Variants in RYK observed in about 807,000 individuals in gnomAD.
The protein encoded by RYK is receptor like tyrosine kinase.
Under a neutral mutation model 70.2 loss-of-function variants are expected in RYK, and 21 were observed. That is an observed-to-expected ratio of 0.30 (90% CI 0.21 to 0.43). The LOEUF is 0.43. RYK is among the 20% of genes least tolerant of loss of function. RYK has a pLI of 1.00. For missense variants in RYK, 604 were observed against 753.3 expected (o/e 0.80, Z 2.32); for synonymous variants, 267 against 278.0 (o/e 0.96, Z 0.39).
intron 2 of RYK, among the ~76,000 whole-genome samples, chr3:134,216,403 C>T (rs1037002109): frequency 2.0e-5 from 3 of 151,216 alleles, no homozygotes; most frequent in Non-Finnish European, 4.4e-5. Flanking sequence ...AAAATGATGA[C>T]GAATTCCTGA....
chr3:134,191,134 T>A (rs1247418195), intron 8 of RYK, among the ~76,000 whole-genome samples: 1 of 152,200 alleles, frequency 6.6e-6, no homozygotes, highest in Non-Finnish European at 1.5e-5. Flanking sequence ...AAAAAAGTAA[T>A]TCTCTATTTA....
chr3:134,158,251 C>T lies in RYK; in HGVS notation c.1726G>A (p.Ala576Thr). 1 of 1,561,012 alleles carries T rather than the reference C, an allele frequency of 6.4e-7. No homozygotes were observed. Among genetic ancestry groups the T allele is most frequent in the Non-Finnish European group, 8.7e-7 (1 of 1,151,222 alleles). Residue 576 changes from alanine to threonine, a missense_variant, in exon 15 of 15, where the codon GCC (alanine) becomes ACC (threonine). Ala to Thr is a moderately conservative substitution (Grantham distance 58). Coordinates refer to ENST00000623711, the MANE Select transcript of RYK (RefSeq NM_002958.4). ...NCPDELFAVM[A>T]CCWALDPEER... ...TCTGGATCTAAGGCCCAGCAACAGG[C>T]CATCACAGCAAATCTGCAGAGTGAC...
chr3:134,178,720 G>A (rs569329246), intron 10 of RYK: 1 of 152,306 alleles, frequency 6.6e-6, no homozygotes, highest in East Asian at 1.9e-4. Flanking sequence ...AACCAAGCAT[G>A]TAGTGGACAA....
chr3:134,179,957 G>A (rs2013235788), intron 10 of RYK: 1 of 152,130 alleles, frequency 6.6e-6, no homozygotes, highest in African/African-American at 2.4e-5. Context: ...AGTACAAATG[G>A]CTGTTTTTCA....
intron 1 of RYK, among the ~76,000 whole-genome samples, chr3:134,249,917 G>GGTTTTTTTTTTTTT (rs1172115107): frequency 1.1e-5 from 1 of 93,366 alleles, no homozygotes; most frequent in African/African-American, 5.3e-5. Flanking sequence ...TTTCTCTCTC[G>GGTTTTTTTTTTTTT]TTTTTTTTTT....
intron 13 of RYK, among the ~76,000 whole-genome samples, chr3:134,169,373 A>C (rs2012813059): frequency 6.6e-6 from 1 of 152,230 alleles, no homozygotes; most frequent in South Asian, 2.1e-4. Context: ...ATGTAAATCA[A>C]GAACTCTATT....
intron 5 of RYK, among the ~76,000 whole-genome samples, chr3:134,206,059 G>T (rs1418512676): frequency 6.6e-6 from 1 of 152,150 alleles, no homozygotes; most frequent in Non-Finnish European, 1.5e-5. Context: ...AAAGTCACCA[G>T]AATTTTAAAA....
chr3:134,207,496 C>T lies in RYK; in HGVS notation c.619G>A (p.Asp207Asn). 4 of 1,540,514 alleles carry T rather than the reference C, an allele frequency of 2.6e-6. No homozygotes were observed. In the South Asian group the frequency reaches 4.9e-5, roughly 19 times the overall value. ...CAAATAGTTCTGCTAGTGTTTTTGT[C>T]CAAGGCTGAAGTTTTTACTTCTTCA... ...KLEEVKTSAL[D>N]KNTSRTIYDP... Residue 207 changes from aspartate to asparagine, a missense_variant, in exon 5 of 15, where the codon GAC (aspartate) becomes AAC (asparagine). By Grantham distance (23) the Asp-to-Asn change is conservative. Coordinates refer to ENST00000623711, the MANE Select transcript of RYK (RefSeq NM_002958.4).
chr3:134,228,015 T>C (rs2014956017), intron 1 of RYK, among the ~76,000 whole-genome samples: 1 of 152,178 alleles, frequency 6.6e-6, no homozygotes, highest in South Asian at 2.1e-4. Context: ...TAAGGCCAGG[T>C]ACAGTGGCTC....
intron 4 of RYK, among the ~76,000 whole-genome samples, chr3:134,209,189 C>T (rs187508450): frequency 9.2e-5 from 14 of 152,258 alleles, no homozygotes; most frequent in African/African-American, 3.1e-4. Flanking sequence ...ATTTAATGAA[C>T]CGTAAAAAAC....
intron 4 of RYK, among the ~76,000 whole-genome samples, chr3:134,207,727 C>A (rs1008709280): frequency 2.0e-5 from 3 of 152,176 alleles, no homozygotes; most frequent in African/African-American, 7.2e-5. Flanking sequence ...GGTGTTACTT[C>A]TAGATGCTCA....
At chr3:134,232,851 G>A (rs1177393278) in intron 1 of RYK, among the ~76,000 whole-genome samples, 1 of 152,174 alleles carries the variant, frequency 6.6e-6, no homozygotes, top group Non-Finnish European at 1.5e-5. Context: ...CCTAGGCAAG[G>A]GGATCTGGAA....
chr3:134,232,139 G>A (rs2015071326), intron 1 of RYK, among the ~76,000 whole-genome samples: 1 of 152,046 alleles, frequency 6.6e-6, no homozygotes, highest in African/African-American at 2.4e-5. Context: ...CTGCTCCCAG[G>A]GTCATTCTGT....
At chr3:134,191,604 A>C (rs1262936901) in intron 8 of RYK, among the ~76,000 whole-genome samples, 1 of 152,238 alleles carries the variant, frequency 6.6e-6, no homozygotes, top group African/African-American at 2.4e-5. Context: ...TACACCTTAA[A>C]TATAGCCAAC....
At chr3:134,249,671 G>A (rs1254633923) in intron 1 of RYK, among the ~76,000 whole-genome samples, 3 of 152,054 alleles carry the variant, frequency 2.0e-5, no homozygotes, top group Non-Finnish European at 4.4e-5. Context: ...CCAAGACTAA[G>A]TTCTTGTTTC....
chr3:134,179,794 C>T (rs961818328), intron 10 of RYK: 1 of 152,202 alleles, frequency 6.6e-6, no homozygotes, highest in African/African-American at 2.4e-5. Context: ...CCAAAGATTA[C>T]TTCTGTTTCT....
At chr3:134,175,503 A>G in intron 13 of RYK, 106 bp downstream of exon 13, 1 of 1,339,102 alleles carries the variant, frequency 7.5e-7, no homozygotes, top group Non-Finnish European at 1.0e-6. Flanking sequence ...ATTTCCGGGA[A>G]CAGCTAGCAG....
chr3:134,237,582 A>T (rs1203679094), intron 1 of RYK, among the ~76,000 whole-genome samples: 1 of 152,238 alleles, frequency 6.6e-6, no homozygotes, highest in Non-Finnish European at 1.5e-5. Flanking sequence ...TCATAGAAAG[A>T]GAACTAAAGC....
chr3:134,159,350 C>T lies in RYK; in HGVS notation c.1599G>A (p.Trp533Ter). Residue 533 changes from tryptophan to a stop codon, truncating the protein, a stop_gained, in exon 14 of 15, where the codon TGG becomes TGA. Transcript: ENST00000623711. LOFTEE classifies it high-confidence loss of function. ...SDVWAFGVTL[W>*]ELMTLGQTPY... ...GAGTCTGGCCCAGAGTCATGAGTTCCCACAGCGTCACTCCAAAGGCCCACT... is the reference window on the plus strand; with the variant it reads ...GAGTCTGGCCCAGAGTCATGAGTTCTCACAGCGTCACTCCAAAGGCCCACT... 1 of 1,612,542 alleles carries T rather than the reference C, an allele frequency of 6.2e-7. No homozygotes were observed. Among genetic ancestry groups the T allele is most frequent in the Non-Finnish European group, 8.5e-7 (1 of 1,179,214 alleles).
Sources: gnomAD v4.1 joint callset for allele counts (sites outside exome capture counted in the v4.1 genomes callset) on GRCh38, gnomAD v4.1.1 for gene constraint, MANE v1.5 for transcripts, NCBI Gene and HGNC (gene_info 2026-07-23, HGNC 2026-07-21) for gene names.